The following ACAN variants were observed in gnomAD, a reference collection of about 807,000 sequenced individuals.
ACAN encodes the protein aggrecan.
ACAN carries 47 observed loss-of-function variants against 169.1 expected under a neutral mutation model. The observed-to-expected ratio is 0.28, with a 90% CI of 0.22 to 0.35. ACAN has a LOEUF of 0.35. ACAN is among the 10% of genes least tolerant of loss of function. The probability of loss-of-function intolerance (pLI) is 1.00; values close to 1 mark genes in which losing one functional copy is unlikely to be tolerated. For missense variants in ACAN, 2,716 were observed against 2,759.9 expected (o/e 0.98, Z 0.36); for synonymous variants, 1,115 against 1,112.2 (o/e 1.00, Z -0.05).
intron 1 of ACAN, among the ~76,000 whole-genome samples, chr15:88,815,172 A>G (rs1895908348): frequency 6.6e-6 from 1 of 152,112 alleles, no homozygotes; most frequent in African/African-American, 2.4e-5. Flanking sequence ...TAGAGAGCCC[A>G]CGTTGTGTAT....
At chr15:88,833,727 A>T (rs1195419964) in intron 1 of ACAN, among the ~76,000 whole-genome samples, 2 of 70,272 alleles carry the variant, frequency 2.8e-5, no homozygotes, top group Non-Finnish European at 2.5e-5. Flanking sequence ...CTATCCCCCT[A>T]CCCCCACTCT....
In ACAN at chr15:88,843,311, GA is replaced by G. The variant is rs574136386; in HGVS notation, c.758-43del. 156 of 1,346,534 alleles carry G rather than the reference GA, an allele frequency of 1.2e-4. 1 individual carries two copies. Among genetic ancestry groups the G allele is most frequent in the Middle Eastern group, 9.4e-4 (5 of 5,304 alleles). 83.4% of individuals were successfully genotyped at this position (1,346,534 alleles called of 1,614,324 possible). A position where few individuals can be genotyped will look rare whatever the true frequency, so the allele number is the denominator to read the frequency against. On this transcript the variant is annotated intron_variant, in intron 5 of 18. Coordinates refer to ENST00000560601, the MANE Select transcript of ACAN (RefSeq NM_001369268.1). The surrounding 1 kb of genome is among the most constrained non-coding windows in gnomAD (Gnocchi z 4.0). ...TCTCTCTGGGGATGCAGAGCAGGGG[GA>G]GGGGGGAGAAGACCCTTACCCAGCT...
intron 6 of ACAN, 61 bp from the exon 7 acceptor site, chr15:88,845,444 T>C (rs1276507002): frequency 1.3e-6 from 2 of 1,539,066 alleles, no homozygotes; most frequent in African/African-American, 1.4e-5. Context: ...AGCCCACTCC[T>C]CATCCCCCTC....
rs371259802 is a variant in ACAN, at chr15:88,838,676, G to A, written c.84G>A (p.Ser28=). 4.2e-5 allele frequency: 66 copies of A among 1,584,752 alleles called. No individual in the cohort carries two copies. The highest frequency in any genetic ancestry group is 1.7e-4 in the Middle Eastern group (1 of 5,942). ...TCTCCCACACAGACCATGACAACTC[G>A]CTGAGTGTCAGCATCCCCCAACCGT... ...VTVETSDHDN[S]LSVSIPQPSP... Residue 28 remains serine (S), a synonymous_variant, in exon 3 of 19, where the codon TCG becomes TCA. Coordinates refer to ENST00000560601, the MANE Select transcript of ACAN (RefSeq NM_001369268.1). This position sits in a 1 kb window ranked among gnomAD's most constrained non-coding sequence, Gnocchi z 5.1.
Position 88,858,280 on chromosome 15 carries a change from A to G in ACAN, c.5695A>G (p.Ser1899Gly), listed in dbSNP as rs1482024694. 1 of 1,613,956 alleles carries G rather than the reference A, an allele frequency of 6.2e-7. No homozygotes were observed. The highest frequency in any genetic ancestry group is 2.2e-5 in the East Asian group (1 of 44,880). The change falls in exon 12 of 19, where the codon AGT becomes GGT. Residue 1899 changes from serine to glycine, a missense_variant. This residue lies in a region of ACAN where 1,389 missense variants were observed against 1,363.7 expected (regional missense o/e 1.02). Coordinates refer to ENST00000560601, the MANE Select transcript of ACAN (RefSeq NM_001369268.1). The surrounding 1 kb of genome is among the most constrained non-coding windows in gnomAD (Gnocchi z 4.0). ...SQTPEFSGLPSGIAEVSGESS... is the reference protein window; with the variant it reads ...SQTPEFSGLPGGIAEVSGESS... ...GACTCCGGAATTCAGTGGCCTACCA[A>G]GTGGCATAGCTGAGGTCAGTGGAGA...
rs2141642875 is a variant in ACAN at position 88,873,037 on chromosome 15, C to T, written c.7447+12C>T. On this transcript the variant is annotated intron_variant, in intron 17 of 18. Coordinates refer to ENST00000560601, the MANE Select transcript of ACAN (RefSeq NM_001369268.1). The surrounding 1 kb of genome is among the most constrained non-coding windows in gnomAD (Gnocchi z 7.5). ...TAAAAAGGGCACAGGTAAGCTGGCG[C>T]CTGGGAGGGGTCAGGGGAGGATAGG... The T allele has an allele frequency of 6.2e-7, 1 of 1,610,738 alleles. No individual in the cohort carries two copies. The highest frequency in any genetic ancestry group is 2.2e-5 in the East Asian group (1 of 44,778).
Position 88,845,790 on chromosome 15 carries a change from C to T in ACAN, c.1337C>T (p.Pro446Leu). 1 of 1,588,614 alleles carries T rather than the reference C, an allele frequency of 6.3e-7. No individual in the cohort carries two copies. Among genetic ancestry groups the T allele is most frequent in the Non-Finnish European group, 8.6e-7 (1 of 1,166,234 alleles). The change falls in exon 7 of 19, where the codon CCC becomes CTC. Residue 446 changes from proline to leucine, a missense_variant. Pro to Leu is a moderately conservative substitution (Grantham distance 98). This residue lies in a region of ACAN where 1,283 missense variants were observed against 1,281.5 expected (regional missense o/e 1.00). Transcript: ENST00000560601. ...GAGGCCACCAGGCCCTGGGGCTTTC[C>T]CACACCTGGCCTGGGCCCTGCCACG... Reference protein sequence around the residue: ...TGEATRPWGFPTPGLGPATAF... With the variant: ...TGEATRPWGFLTPGLGPATAF...
chr15:88,822,438 A>C (rs1190977940), intron 1 of ACAN, among the ~76,000 whole-genome samples: 1 of 152,102 alleles, frequency 6.6e-6, no homozygotes, highest in East Asian at 1.9e-4. Context: ...CAGCTCTCAA[A>C]GAGAACCATG....
intron 1 of ACAN, among the ~76,000 whole-genome samples, chr15:88,822,302 A>G (rs1896096571): frequency 6.6e-6 from 1 of 152,202 alleles, no homozygotes; most frequent in South Asian, 2.1e-4. Context: ...CAAGGGCCCA[A>G]CCTTTCTTCG....
rs146699204 is a variant in ACAN, at chr15:88,862,765, A to C, written c.6946+2326A>C. Among the ~76,000 whole-genome samples, 251 of 152,352 alleles carry C rather than the reference A, an allele frequency of 1.6e-3. 1 individual carries two copies. The highest frequency in any genetic ancestry group is 5.7e-3 in the African/African-American group (237 of 41,578). On this transcript the variant is annotated intron_variant, in intron 13 of 18. Transcript: ENST00000560601. ...GTAATCCCAGCACTTTGGGAGGCCA[A>C]GGCGGATGGATTGCCTGAGGTCAGG... is the stretch of plus-strand genomic sequence containing the variant.
Position 88,874,042 on chromosome 15 carries a change from C to G in ACAN, c.7630+18C>G. The G allele has an allele frequency of 6.2e-7, 1 of 1,606,680 alleles. No homozygotes were observed. The highest frequency in any genetic ancestry group is 8.5e-7 in the Non-Finnish European group (1 of 1,179,650). The stretch of plus-strand genomic sequence containing the variant: ...CACAGACCGTGAGCATCACCCCGGC[C>G]ATCTCGCTGAGCACAGGGTTAGATT... On this transcript the variant is annotated intron_variant, in intron 18 of 18. Transcript: ENST00000560601. This position sits in a 1 kb window ranked among gnomAD's most constrained non-coding sequence, Gnocchi z 7.3.
In ACAN at chr15:88,838,950, G is replaced by T. The variant is rs550721325; in HGVS notation, c.358G>T (p.Val120Phe). ...PAIPSDATLEVQSLRSNDSGV... is the reference protein window; with the variant it reads ...PAIPSDATLEFQSLRSNDSGV... ...CATCCCCAGTGACGCCACCTTGGAA[G>T]TCCAGAGCCTGCGCTCCAATGACTC... Residue 120 changes from valine to phenylalanine, a missense_variant, in exon 3 of 19, where the codon GTC becomes TTC. Val to Phe is a conservative substitution (Grantham distance 50). Transcript: ENST00000560601. The surrounding 1 kb of genome is among the most constrained non-coding windows in gnomAD (Gnocchi z 5.1). 6.3e-5 allele frequency: 101 copies of T among 1,613,890 alleles called. No individual in the cohort carries two copies. Among genetic ancestry groups the T allele is most frequent in the South Asian group, 4.7e-4 (43 of 91,090 alleles).
Position 88,849,511 on chromosome 15 carries a change from T to G in ACAN, c.1806T>G (p.Asn602Lys), listed in dbSNP as rs765671060. ...QEALEFCESH[N>K]ATLATTGQLY... ...CACTGGAGTTCTGTGAATCTCACAA[T>G]GCTACGCTGGCCACCACGGGCCAGC... Residue 602 changes from asparagine to lysine, a missense_variant, in exon 10 of 19, where the codon AAT becomes AAG. By Grantham distance (94) the Asn-to-Lys change is moderately conservative. Transcript: ENST00000560601. The surrounding 1 kb of genome is among the most constrained non-coding windows in gnomAD (Gnocchi z 5.1). The G allele has an allele frequency of 1.9e-6, 3 of 1,608,016 alleles. No homozygotes were observed. In the African/African-American group the frequency reaches 4.0e-5, roughly 21 times the overall value.
At chr15:88,811,961 A>T (rs1034900635) in intron 1 of ACAN, among the ~76,000 whole-genome samples, 3 of 152,106 alleles carry the variant, frequency 2.0e-5, no homozygotes, top group African/African-American at 7.2e-5. Flanking sequence ...TTGTTTCCTA[A>T]ACGCAACCCA....
intron 1 of ACAN, among the ~76,000 whole-genome samples, chr15:88,804,610 C>A (rs899766976): frequency 2.0e-5 from 3 of 152,172 alleles, no homozygotes; most frequent in Admixed American, 2.0e-4. Flanking sequence ...GGAGCAGGAG[C>A]CCTTTCCAAC....
intron 1 of ACAN, among the ~76,000 whole-genome samples, chr15:88,818,879 T>C (rs887838315): frequency 1.3e-5 from 2 of 152,252 alleles, no homozygotes; most frequent in Non-Finnish European, 2.9e-5. Context: ...GCCACTGAAC[T>C]GTACATTTTT....
chr15:88,832,173 T>C (rs1250181324), intron 1 of ACAN, among the ~76,000 whole-genome samples: 1 of 152,074 alleles, frequency 6.6e-6, no homozygotes, highest in Non-Finnish European at 1.5e-5. Flanking sequence ...GAGGTCATTA[T>C]TGTAAAGCAT....
intron 1 of ACAN, among the ~76,000 whole-genome samples, chr15:88,830,622 C>G (rs191511308): frequency 6.6e-6 from 1 of 151,486 alleles, no homozygotes; most frequent in African/African-American, 2.4e-5. Context: ...GTATCTAAAC[C>G]TATCTAAACC....
chr15:88,874,377 A>T lies in ACAN; in HGVS notation c.7631-28A>T. The T allele has an allele frequency of 1.3e-6, 2 of 1,570,114 alleles. No homozygotes were observed. The highest frequency in any genetic ancestry group is 1.7e-6 in the Non-Finnish European group (2 of 1,154,286). ...CCCCACTTTCTTTCCAGGTCCACTG[A>T]TATCTTTCCATCTCCCTTTCGTCCT... On this transcript the variant is annotated intron_variant, in intron 18 of 18. Coordinates refer to ENST00000560601, the MANE Select transcript of ACAN (RefSeq NM_001369268.1). This position sits in a 1 kb window ranked among gnomAD's most constrained non-coding sequence, Gnocchi z 7.3.
Sources: gnomAD v4.1 joint callset for allele counts (sites outside exome capture counted in the v4.1 genomes callset) on GRCh38, gnomAD v4.1.1 for gene constraint, gnomAD v4.1.1 regional missense constraint, Gnocchi (gnomAD v3.1) non-coding constraint, MANE v1.5 for transcripts, NCBI Gene and HGNC (gene_info 2026-07-23, HGNC 2026-07-21) for gene names.